Variants in DCPH1 observed in about 807,000 individuals in gnomAD.
DCPH1 encodes the protein damage-control phosphatase 1.
chr6:151,453,705 T>C, the DCPH1 span, among the ~76,000 whole-genome samples: 1 of 152,252 alleles, frequency 6.6e-6, no homozygotes, highest in Non-Finnish European at 1.5e-5. Flanking sequence ...CTAAGCTCTG[T>C]GCTCTATATT....
At chr6:151,469,416 A>G in the DCPH1 span, 1 of 239,292 alleles carries the variant, frequency 4.2e-6, no homozygotes, top group Non-Finnish European at 7.9e-6. Context: ...TTAATTGGCT[A>G]GGGAGCAAAA....
At chr6:151,456,309 G>A in the DCPH1 span, among the ~76,000 whole-genome samples, 1 of 152,150 alleles carries the variant, frequency 6.6e-6, no homozygotes, top group African/African-American at 2.4e-5. Flanking sequence ...AAAATTTAGA[G>A]AAATGGTTGG....
the DCPH1 span, among the ~76,000 whole-genome samples, chr6:151,453,317 G>A: frequency 6.6e-6 from 1 of 152,158 alleles, no homozygotes; most frequent in African/African-American, 2.4e-5. Context: ...AGAGGTGCAG[G>A]AAATGTAGTA....
the DCPH1 span, chr6:151,452,473 C>G: frequency 4.5e-6 from 7 of 1,552,894 alleles, no homozygotes; most frequent in East Asian, 1.6e-4. Context: ...TCAGCTCCTC[C>G]TTCGCGGCGG....
the DCPH1 span, among the ~76,000 whole-genome samples, chr6:151,466,212 C>A: frequency 6.6e-6 from 1 of 152,300 alleles, no homozygotes; most frequent in Middle Eastern, 3.4e-3. Flanking sequence ...AGCCACCTTG[C>A]CTGGCCCAGG....
At chr6:151,466,064 G>A in the DCPH1 span, among the ~76,000 whole-genome samples, 46 of 152,126 alleles carry the variant, frequency 3.0e-4, no homozygotes, top group African/African-American at 1.0e-3. Context: ...AATTACAGGC[G>A]TATGCCACCA....
chr6:151,457,201 T>G, the DCPH1 span, among the ~76,000 whole-genome samples: 8 of 152,314 alleles, frequency 5.3e-5, no homozygotes, highest in East Asian at 1.9e-4. Context: ...GTCCGTGCCC[T>G]TAGACTACCT....
chr6:151,456,072 C>T, the DCPH1 span, among the ~76,000 whole-genome samples: 2 of 152,318 alleles, frequency 1.3e-5, no homozygotes, highest in Admixed American at 1.3e-4. Flanking sequence ...TATAGATTAA[C>T]AGAATCTCAA....
At chr6:151,465,246 A>G in the DCPH1 span, among the ~76,000 whole-genome samples, 1 of 152,222 alleles carries the variant, frequency 6.6e-6, no homozygotes, top group Non-Finnish European at 1.5e-5. Flanking sequence ...AATTTACAAC[A>G]CATTATTAGA....
At chr6:151,468,414 A>G in the DCPH1 span, 2 of 1,605,682 alleles carry the variant, frequency 1.2e-6, no homozygotes, top group Middle Eastern at 1.7e-4. Flanking sequence ...ATACCAATGT[A>G]CTAAATTCAT....
the DCPH1 span, among the ~76,000 whole-genome samples, chr6:151,455,344 A>T: frequency 6.6e-6 from 1 of 152,240 alleles, no homozygotes; most frequent in Non-Finnish European, 1.5e-5. Context: ...CGTTCAGCAT[A>T]TGGAGGATCC....
the DCPH1 span, among the ~76,000 whole-genome samples, chr6:151,460,832 C>CATG: frequency 6.6e-6 from 1 of 152,002 alleles, no homozygotes. Flanking sequence ...CACTGCTTGG[C>CATG]ATGGAGAAGG....
chr6:151,465,099 A>C, the DCPH1 span, among the ~76,000 whole-genome samples: 2 of 152,240 alleles, frequency 1.3e-5, no homozygotes, highest in African/African-American at 4.8e-5. Context: ...AGTGCTGAGC[A>C]CAGAGCCTGG....
chr6:151,467,578 G>A, the DCPH1 span, among the ~76,000 whole-genome samples: 15 of 152,034 alleles, frequency 9.9e-5, no homozygotes, highest in African/African-American at 1.2e-4. Context: ...CTAGTATCTC[G>A]TTTTTCAGTT....
chr6:151,458,905 A>T, the DCPH1 span, among the ~76,000 whole-genome samples: 3 of 152,160 alleles, frequency 2.0e-5, no homozygotes, highest in Non-Finnish European at 4.4e-5. Flanking sequence ...TGGGAGGCTG[A>T]GGTGGGCAGA....
the DCPH1 span, chr6:151,464,740 G>A: frequency 1.6e-6 from 1 of 617,868 alleles, no homozygotes; most frequent in South Asian, 3.0e-5. Flanking sequence ...ATCTAGTGGT[G>A]TTAAAAGATG....
chr6:151,469,265 C>A, the DCPH1 span: 1 of 563,394 alleles, frequency 1.8e-6, no homozygotes, highest in Non-Finnish European at 3.0e-6. Context: ...GATGATTTTT[C>A]TTTTGAACAT....
At chr6:151,462,789 T>C in the DCPH1 span, among the ~76,000 whole-genome samples, 1 of 152,200 alleles carries the variant, frequency 6.6e-6, no homozygotes, top group Non-Finnish European at 1.5e-5. Context: ...TTATATATAG[T>C]TATGTGAGTT....
chr6:151,458,842 C>G, the DCPH1 span, among the ~76,000 whole-genome samples: 3 of 152,142 alleles, frequency 2.0e-5, no homozygotes, highest in African/African-American at 7.2e-5. Flanking sequence ...GAGTAAATAT[C>G]TAAAGTACGA....
Sources: allele counts gnomAD v4.1 joint callset (sites outside exome capture counted in the v4.1 genomes callset), GRCh38; gene constraint gnomAD v4.1.1; transcripts MANE v1.5; gene names NCBI Gene and HGNC (gene_info 2026-07-23, HGNC 2026-07-21).